CTNNB1: variants seen among roughly 807,000 people sequenced by gnomAD.
The protein encoded by CTNNB1 is catenin beta-1.
CTNNB1 carries 6 observed loss-of-function variants against 82.5 expected under a neutral mutation model. The ratio of observed to expected loss-of-function variants is 0.07; its 90% CI spans 0.04 to 0.14. The LOEUF (loss-of-function observed/expected upper bound fraction) is 0.14, where lower values mean the gene tolerates loss of function less well. Among genes scored for constraint, CTNNB1 ranks in the 10% least tolerant of loss-of-function variants. CTNNB1 has a pLI of 1.00. For missense variants in CTNNB1, 529 were observed against 980.4 expected, an observed-to-expected ratio of 0.54 and a Z score of 6.15; for synonymous variants, 312 against 329.7, an observed-to-expected ratio of 0.95 and a Z score of 0.58.
chr3:41,239,514 A>ATGT lies in CTNNB1; in HGVS notation c.*174_*176dup, dbSNP rs2078522888. On this transcript the variant is annotated 3_prime_UTR_variant, in exon 15 of 15. Coordinates refer to ENST00000349496, the MANE Select transcript of CTNNB1 (RefSeq NM_001904.4). ...AAAGGAGATGTCTTGGAACATTGGA[A>ATGT]TGTTCTCAGATTTCTGGTTGTTATG... 6.3e-6 allele frequency: 4 copies of ATGT among 638,640 alleles called. No individual in the cohort carries two copies. Among genetic ancestry groups the ATGT allele is most frequent in the Non-Finnish European group, 8.3e-6 (3 of 360,306 alleles). The allele number at this position is 638,640 out of a possible 1,614,324, so 39.6% of individuals were successfully genotyped here.
chr3:41,227,234 C>G lies in CTNNB1; in HGVS notation c.963C>G (p.Pro321=). 5.0e-6 allele frequency: 8 copies of G among 1,611,996 alleles called. No homozygotes were observed. Among genetic ancestry groups the G allele is most frequent in the Non-Finnish European group, 5.9e-6 (7 of 1,178,242 alleles). ...TCATCATACTGGCTAGTGGTGGACC[C>G]CAAGCTTTAGTAAATATAATGAGGA... The part of the protein sequence containing the change: ...SKLIILASGG[P]QALVNIMRTY... The change falls in exon 7 of 15, where the codon CCC becomes CCG. Residue 321 remains proline, a synonymous_variant. Coordinates refer to ENST00000349496, the MANE Select transcript of CTNNB1 (RefSeq NM_001904.4).
At chr3:41,237,746 C>A in intron 13 of CTNNB1, 5 of 330,964 alleles carry the variant, frequency 1.5e-5, no homozygotes, top group East Asian at 1.3e-4. Flanking sequence ...GCATGTAGAA[C>A]AGTGCCTGGC....
chr3:41,228,894 T>G (rs1263261244), intron 7 of CTNNB1, among the ~76,000 whole-genome samples: 1 of 152,202 alleles, frequency 6.6e-6, no homozygotes, highest in Non-Finnish European at 1.5e-5. Flanking sequence ...TCTGAGTTGA[T>G]TTTTGTACAT....
intron 1 of CTNNB1, among the ~76,000 whole-genome samples, chr3:41,210,454 C>A (rs1023320017): frequency 1.3e-5 from 2 of 149,488 alleles, no homozygotes; most frequent in South Asian, 2.1e-4. Context: ...AACTCCGTCT[C>A]AAAAAAAAAC....
chr3:41,235,254 GGAAGA>G, intron 10 of CTNNB1: 1 of 208,752 alleles, frequency 4.8e-6, no homozygotes, highest in Non-Finnish European at 9.8e-6. Context: ...GAATAGTCTT[GGAAGA>G]GTGAGGAGTG....
chr3:41,235,950 T>C, intron 11 of CTNNB1, 107 bp downstream of exon 11: 1 of 1,345,042 alleles, frequency 7.4e-7, no homozygotes, highest in Non-Finnish European at 1.1e-6. Flanking sequence ...TTACCAACAT[T>C]TAATTTTATG....
chr3:41,211,129 A>C, intron 1 of CTNNB1: 1 of 454,588 alleles, frequency 2.2e-6, no homozygotes, highest in Non-Finnish European at 4.4e-6. Flanking sequence ...CAGTAAACCT[A>C]CTGTGGTTTC....
At chr3:41,207,552 A>G (rs1017971243) in intron 1 of CTNNB1, among the ~76,000 whole-genome samples, 1 of 152,170 alleles carries the variant, frequency 6.6e-6, no homozygotes, top group Non-Finnish European at 1.5e-5. Context: ...CAATGAAGGA[A>G]GTAGTACTGC....
At chr3:41,226,390 A>G (rs1479697616) in intron 6 of CTNNB1, among the ~76,000 whole-genome samples, 1 of 152,196 alleles carries the variant, frequency 6.6e-6, no homozygotes, top group Non-Finnish European at 1.5e-5. Context: ...GAGGGCACAT[A>G]ACACAAGTTG....
In CTNNB1 at chr3:41,211,414, G is replaced by A. The variant is rs2077782371; in HGVS notation, c.-49+11744G>A. On this transcript the variant is annotated intron_variant, in intron 1 of 14. Transcript: ENST00000349496. The stretch of plus-strand genomic sequence containing the variant: ...TCAGCTTTTATTTTAGATTCAGGGT[G>A]TACATGTGCAGGTTTGTTAGAAAGA... Among the ~76,000 whole-genome samples, 7 of 152,100 alleles carry A rather than the reference G, an allele frequency of 4.6e-5. No homozygotes were observed. In the South Asian group the frequency reaches 1.5e-3, roughly 32 times the overall value.
chr3:41,199,810 G>A (rs1175878030), intron 1 of CTNNB1, 140 bp downstream of exon 1: 1 of 151,852 alleles, frequency 6.6e-6, no homozygotes, highest in African/African-American at 2.4e-5. Context: ...GAGCTCAGGT[G>A]GGGGACGGTG....
rs565735389 is a variant in CTNNB1 at position 41,224,227 on chromosome 3, T to A, written c.13+146T>A. The A allele has an allele frequency of 6.9e-6, 7 of 1,010,620 alleles. No individual in the cohort carries two copies. In the South Asian group the frequency reaches 9.1e-5, roughly 13 times the overall value. 62.6% of individuals were successfully genotyped at this position (1,010,620 alleles called of 1,614,324 possible). ...TCCATTTTCTGCTCACTCCTCCTAA[T>A]GGCTTGGTGAAATAGCAAACAAGCC... On this transcript the variant is annotated intron_variant, in intron 2 of 14. Coordinates refer to ENST00000349496, the MANE Select transcript of CTNNB1 (RefSeq NM_001904.4).
At chr3:41,235,512 GT>G (rs1429377352) in intron 10 of CTNNB1, 1 of 630,418 alleles carries the variant, frequency 1.6e-6, no homozygotes, top group Non-Finnish European at 2.8e-6. Context: ...CTGTTGCACT[GT>G]GTATGGGGGA....
Position 41,224,995 on chromosome 3 carries a change from C to A in CTNNB1, c.283C>A (p.Arg95=), listed in dbSNP as rs775104326. ...QYAMTRAQRV[R]AAMFPETLDE... is the part of the protein sequence containing the mutation. ...TGCAATGACTCGAGCTCAGAGGGTA[C>A]GAGCTGCTATGTTCCCTGAGACATT... is the stretch of plus-strand genomic sequence containing the variant. Residue 95 remains arginine (R), a synonymous_variant, in exon 4 of 15, where the codon CGA becomes AGA. Coordinates refer to ENST00000349496, the MANE Select transcript of CTNNB1 (RefSeq NM_001904.4). 1 of 1,613,958 alleles carries A rather than the reference C, an allele frequency of 6.2e-7. No homozygotes were observed. The highest frequency in any genetic ancestry group is 1.1e-5 in the South Asian group (1 of 91,074).
intron 13 of CTNNB1, 92 bp downstream of exon 13, chr3:41,236,801 A>C (rs2078447988): frequency 6.6e-7 from 1 of 1,519,846 alleles, no homozygotes; most frequent in African/African-American, 1.4e-5. Context: ...GTACACATTC[A>C]TTTGCATTGA....
intron 2 of CTNNB1, 162 bp downstream of exon 2, chr3:41,224,243 C>A (rs937542057): frequency 8.0e-5 from 71 of 884,198 alleles, no homozygotes; most frequent in Non-Finnish European, 1.3e-4. Context: ...GGTGAAATAG[C>A]AAACAAGCCA....
rs35164905 is a variant in CTNNB1 at position 41,201,352 on chromosome 3, TA to T, written c.-49+1691del. ...TTTAAATCTTTGAAAAATCTCTGAT[TA>T]AAAAAAAAGTACCCTTAAAGGTTTG... On this transcript the variant is annotated intron_variant, in intron 1 of 14. Coordinates refer to ENST00000349496, the MANE Select transcript of CTNNB1 (RefSeq NM_001904.4). Among the ~76,000 whole-genome samples the T allele has an allele frequency of 9.7e-4, 147 of 151,408 alleles. 1 individual carries two copies. Among genetic ancestry groups the T allele is most frequent in the Middle Eastern group, 6.8e-3 (2 of 294 alleles).
intron 1 of CTNNB1, among the ~76,000 whole-genome samples, chr3:41,206,135 T>C (rs1414815785): frequency 6.6e-6 from 1 of 152,216 alleles, no homozygotes; most frequent in Non-Finnish European, 1.5e-5. Context: ...ACGGTTTTAC[T>C]TCTGTTTTAG....
In CTNNB1 at chr3:41,235,801, A is replaced by G. The variant is rs1362023892; in HGVS notation, c.1761A>G (p.Arg587=). 1.9e-6 allele frequency: 3 copies of G among 1,613,986 alleles called. No homozygotes were observed. The highest frequency in any genetic ancestry group is 2.7e-5 in the African/African-American group (2 of 74,916). The stretch of plus-strand genomic sequence containing the variant: ...TCCTAGCTCGGGATGTTCACAACCG[A>G]ATTGTTATCAGAGGACTAAATACCA... The part of the protein sequence containing the change: ...LHILARDVHN[R]IVIRGLNTIP... Residue 587 remains arginine (R), a synonymous_variant, in exon 11 of 15, where the codon CGA becomes CGG. Coordinates refer to ENST00000349496, the MANE Select transcript of CTNNB1 (RefSeq NM_001904.4).
Sources: gnomAD v4.1 joint callset for allele counts (sites outside exome capture counted in the v4.1 genomes callset) on GRCh38, gnomAD v4.1.1 for gene constraint, MANE v1.5 for transcripts, NCBI Gene and HGNC (gene_info 2026-07-23, HGNC 2026-07-21) for gene names.